The following EYS variants were observed in gnomAD, a reference collection of about 807,000 sequenced individuals.
EYS encodes protein eyes shut homolog.
In EYS, 250 loss-of-function variants were observed where a neutral mutation model predicts 282.1. That is an observed-to-expected ratio of 0.89 (90% CI 0.80 to 0.98). The LOEUF is 0.98. Ranked by LOEUF, EYS falls within the 50% of genes least tolerant of loss-of-function variation. The pLI is 0.00. For synonymous variants in EYS, 1,355 were observed against 1,282.9 expected (o/e 1.06, Z -1.20); for missense variants, 4,016 against 3,709.0 (o/e 1.08, Z -2.15).
intron 5 of EYS, among the ~76,000 whole-genome samples, chr6:65,413,861 A>T (rs1562164023): frequency 6.6e-6 from 1 of 152,098 alleles, no homozygotes; most frequent in Admixed American, 6.6e-5. Context: ...GTCTTAAAAA[A>T]AAAAGGAATA....
chr6:64,265,564 C>T (rs1330640791), intron 30 of EYS, among the ~76,000 whole-genome samples: 1 of 152,096 alleles, frequency 6.6e-6, no homozygotes, highest in Non-Finnish European at 1.5e-5. Context: ...TTTAACAAAC[C>T]AGTTTTGAAC....
At chr6:64,966,358 G>A (rs1770095490) in intron 14 of EYS, among the ~76,000 whole-genome samples, 1 of 152,124 alleles carries the variant, frequency 6.6e-6, no homozygotes, top group African/African-American at 2.4e-5. Flanking sequence ...CTTGTTAAAT[G>A]TTTAAGCTTG....
intron 22 of EYS, among the ~76,000 whole-genome samples, chr6:64,785,430 T>G (rs1470358199): frequency 6.6e-6 from 1 of 152,292 alleles, no homozygotes; most frequent in East Asian, 1.9e-4. Flanking sequence ...ACAAATTACC[T>G]AAGGTCATTT....
Position 64,063,014 on chromosome 6 carries a change from G to A in EYS, c.6725+3324C>T, listed in dbSNP as rs139909132. On this transcript the variant is annotated intron_variant, in intron 33 of 42. Transcript: ENST00000503581. ...GGAGCATTCGATAAACTTTGCCATT[G>A]CCTTCCATGACACTCTACTCCTTTT... Among the ~76,000 whole-genome samples, 631 of 152,272 alleles carry A rather than the reference G, an allele frequency of 4.1e-3. 3 individuals carry two copies. Among genetic ancestry groups the A allele is most frequent in the African/African-American group, 0.014 (599 of 41,558 alleles).
intron 22 of EYS, among the ~76,000 whole-genome samples, chr6:64,685,382 G>C (rs1364993513): frequency 1.3e-5 from 2 of 152,166 alleles, no homozygotes; most frequent in South Asian, 2.1e-4. Context: ...TTGTATGTTT[G>C]TCTCCTCCAA....
chr6:65,539,561 C>A (rs1768086624), intron 2 of EYS, among the ~76,000 whole-genome samples: 2 of 152,144 alleles, frequency 1.3e-5, no homozygotes, highest in Admixed American at 1.3e-4. Context: ...TACTCCGAAT[C>A]ACCATGCTAA....
At chr6:64,905,281 A>G (rs1019206781) in intron 16 of EYS, among the ~76,000 whole-genome samples, 45 of 152,200 alleles carry the variant, frequency 3.0e-4, no homozygotes, top group African/African-American at 1.0e-3. Flanking sequence ...TTAGAAGTTG[A>G]TATTCATTTC....
intron 2 of EYS, among the ~76,000 whole-genome samples, chr6:65,501,069 C>G (rs979763759): frequency 6.6e-6 from 1 of 151,910 alleles, no homozygotes; most frequent in Non-Finnish European, 1.5e-5. Context: ...TCCACACACT[C>G]TATGAGTAGG....
At chr6:64,742,066 C>T (rs1463461917) in intron 22 of EYS, among the ~76,000 whole-genome samples, 1 of 152,122 alleles carries the variant, frequency 6.6e-6, no homozygotes, top group Non-Finnish European at 1.5e-5. Context: ...ATGCCTTCTT[C>T]AATAGGCTTA....
chr6:64,101,559 CA>C (rs35511876), intron 31 of EYS, among the ~76,000 whole-genome samples: 66,929 of 148,982 alleles, frequency 0.45, 16,951 homozygotes, highest in African/African-American at 0.71. Context: ...AACTTGGCAA[CA>C]AAAAAAAAAT....
At chr6:64,407,170 C>A (rs914009072) in intron 28 of EYS, among the ~76,000 whole-genome samples, 8 of 152,090 alleles carry the variant, frequency 5.3e-5, no homozygotes, top group African/African-American at 1.9e-4. Flanking sequence ...GAGCAGGAAA[C>A]CATCATTCTC....
chr6:64,967,247 C>T (rs1460560497), intron 14 of EYS, among the ~76,000 whole-genome samples: 1 of 152,006 alleles, frequency 6.6e-6, no homozygotes, highest in Admixed American at 6.6e-5. Flanking sequence ...AAAGACTCTG[C>T]TTATTTTTAC....
rs377011068 is a variant in EYS, at chr6:65,056,299, T to G, written c.2137+1315A>C. Among the ~76,000 whole-genome samples, 628 of 152,080 alleles carry G rather than the reference T, an allele frequency of 4.1e-3. 8 individuals carry two copies. Among genetic ancestry groups the G allele is most frequent in the African/African-American group, 0.014 (597 of 41,480 alleles). Reference sequence around the variant, plus strand: ...TTTCATGCTTTAGTCCTAAAATAGCTAGATCTCTAAGGAGATTTGATTTTT... The same window carrying G: ...TTTCATGCTTTAGTCCTAAAATAGCGAGATCTCTAAGGAGATTTGATTTTT... On this transcript the variant is annotated intron_variant, in intron 13 of 42. Coordinates refer to ENST00000503581, the MANE Select transcript of EYS (RefSeq NM_001142800.2).
At chr6:65,664,485 G>C (rs186322071) in intron 1 of EYS, among the ~76,000 whole-genome samples, 1 of 152,266 alleles carries the variant, frequency 6.6e-6, no homozygotes, top group Admixed American at 6.5e-5. Flanking sequence ...ATTAAAGAAA[G>C]TTGAAGAGAG....
chr6:64,323,284 T>A (rs1029440840), intron 29 of EYS, among the ~76,000 whole-genome samples: 6 of 152,186 alleles, frequency 3.9e-5, no homozygotes, highest in African/African-American at 1.4e-4. Context: ...TTACACATCC[T>A]ATGTGATTGG....
chr6:64,900,030 G>T (rs1229705823), intron 18 of EYS, among the ~76,000 whole-genome samples: 3 of 152,114 alleles, frequency 2.0e-5, no homozygotes, highest in Non-Finnish European at 4.4e-5. Context: ...TACCGAAACA[G>T]ATATATAGAC....
chr6:65,331,489 C>CTT, intron 11 of EYS: 1 of 907,576 alleles, frequency 1.1e-6, no homozygotes, highest in Non-Finnish European at 1.3e-6. Flanking sequence ...ATATAAAATA[C>CTT]TTGTATCTGC....
At chr6:65,205,020 TCTA>T (rs1765998767) in intron 12 of EYS, among the ~76,000 whole-genome samples, 1 of 112,978 alleles carries the variant, frequency 8.9e-6, no homozygotes, top group African/African-American at 3.8e-5. Flanking sequence ...ATTTATATAT[TCTA>T]GAAGAATATA....
At chr6:65,339,425 A>C (rs1770114705) in intron 10 of EYS, among the ~76,000 whole-genome samples, 1 of 151,282 alleles carries the variant, frequency 6.6e-6, no homozygotes, top group African/African-American at 2.4e-5. Context: ...CTTGAAAAAG[A>C]GAGACCATAG....
Sources: allele counts gnomAD v4.1 joint callset (sites outside exome capture counted in the v4.1 genomes callset), GRCh38; gene constraint gnomAD v4.1.1; transcripts MANE v1.5; gene names NCBI Gene and HGNC (gene_info 2026-07-23, HGNC 2026-07-21).